DOCK5: variants seen among roughly 807,000 people sequenced by gnomAD.
The protein encoded by DOCK5 is dedicator of cytokinesis protein 5.
DOCK5 carries 142 observed loss-of-function variants against 251.8 expected under a neutral mutation model. The ratio of observed to expected loss-of-function variants is 0.56; its 90% CI spans 0.49 to 0.65. The LOEUF is 0.65. Ranked by LOEUF, DOCK5 falls within the 30% of genes least tolerant of loss-of-function variation. The probability of loss-of-function intolerance (pLI) is 0.00; values close to 1 mark genes in which losing one functional copy is unlikely to be tolerated. For synonymous variants in DOCK5, 842 were observed against 835.5 expected, an observed-to-expected ratio of 1.01 and a Z score of -0.13; for missense variants, 2,111 against 2,312.3, an observed-to-expected ratio of 0.91 and a Z score of 1.79.
At chr8:25,386,543 A>T (rs140493027) in intron 40 of DOCK5, among the ~76,000 whole-genome samples, 220 of 152,324 alleles carry the variant, frequency 1.4e-3, no homozygotes, top group African/African-American at 4.8e-3. Flanking sequence ...AGTGACAGTG[A>T]GCTGTGATCA....
chr8:25,299,452 A>G (rs1399301192), intron 8 of DOCK5: 3 of 186,336 alleles, frequency 1.6e-5, no homozygotes, highest in African/African-American at 2.3e-5. Context: ...ATGATGCTAT[A>G]GTGGTGGATG....
At chr8:25,368,016 G>A (rs1045283620) in intron 31 of DOCK5, among the ~76,000 whole-genome samples, 176 bp from the exon 32 acceptor site, 1 of 152,106 alleles carries the variant, frequency 6.6e-6, no homozygotes, top group African/African-American at 2.4e-5. Context: ...AGGTCCCCCG[G>A]CCTCTGTGCG....
intron 1 of DOCK5, among the ~76,000 whole-genome samples, chr8:25,188,242 G>C (rs1029602877): frequency 4.6e-5 from 7 of 152,222 alleles, no homozygotes; most frequent in Non-Finnish European, 8.8e-5. Flanking sequence ...CTGCAAGTAA[G>C]AGAATGAGAT....
chr8:25,299,670 A>G (rs1323849942), intron 8 of DOCK5, among the ~76,000 whole-genome samples: 1 of 152,156 alleles, frequency 6.6e-6, no homozygotes, highest in African/African-American at 2.4e-5. Context: ...TTTCAGCTCA[A>G]CTTTGCTGCA....
intron 37 of DOCK5, chr8:25,375,837 C>T (rs1800953436): frequency 1.0e-6 from 1 of 981,978 alleles, no homozygotes; most frequent in Non-Finnish European, 1.2e-6. Flanking sequence ...GTGGCTCACG[C>T]CTGTAATCCC....
At chr8:25,256,196 T>C (rs994968286) in intron 2 of DOCK5, among the ~76,000 whole-genome samples, 8 of 152,176 alleles carry the variant, frequency 5.3e-5, no homozygotes, top group Non-Finnish European at 8.8e-5. Flanking sequence ...ATATTAGATA[T>C]GTGTGTGTGT....
intron 1 of DOCK5, among the ~76,000 whole-genome samples, chr8:25,213,297 C>T (rs929379922): frequency 6.6e-6 from 1 of 151,444 alleles, no homozygotes; most frequent in African/African-American, 2.4e-5. Flanking sequence ...CCAAAGCTCT[C>T]CCCACACCCA....
At chr8:25,327,677 C>T (rs369684197) in intron 18 of DOCK5, among the ~76,000 whole-genome samples, 8 of 152,014 alleles carry the variant, frequency 5.3e-5, no homozygotes, top group Admixed American at 2.6e-4. Flanking sequence ...TGTACTGTCC[C>T]GATATGGTAG....
intron 16 of DOCK5, among the ~76,000 whole-genome samples, chr8:25,322,492 A>G (rs1430355197): frequency 6.6e-6 from 1 of 152,196 alleles, no homozygotes; most frequent in African/African-American, 2.4e-5. Context: ...TATCAGGTTG[A>G]ATCGTGTGAA....
chr8:25,398,877 T>C (rs972485600), intron 45 of DOCK5, among the ~76,000 whole-genome samples: 1 of 151,654 alleles, frequency 6.6e-6, no homozygotes, highest in Non-Finnish European at 1.5e-5. Context: ...GCATAGGAAT[T>C]TGGGGGACAT....
At chr8:25,355,988 C>T (rs1800560538) in intron 27 of DOCK5, among the ~76,000 whole-genome samples, 1 of 146,252 alleles carries the variant, frequency 6.8e-6, no homozygotes, top group South Asian at 2.2e-4. Context: ...GTCAGGAGAT[C>T]GAGACCATCC....
At chr8:25,197,154 C>A (rs1418260011) in intron 1 of DOCK5, among the ~76,000 whole-genome samples, 1 of 152,150 alleles carries the variant, frequency 6.6e-6, no homozygotes, top group Non-Finnish European at 1.5e-5. Context: ...CTTTGGGAGT[C>A]CTTTGACTGA....
chr8:25,334,175 T>A lies in DOCK5; in HGVS notation c.2171T>A (p.Phe724Tyr). The change falls in exon 21 of 52, where the codon TTC (phenylalanine) becomes TAC (tyrosine). Residue 724 changes from phenylalanine (F) to tyrosine (Y), a missense_variant. Coordinates refer to ENST00000276440, the MANE Select transcript of DOCK5 (RefSeq NM_024940.8). ...PVLETYIYKH[F>Y]SATLAYVKLS... ...CTTGAAACCTACATTTACAAGCACT[T>A]CAGCGCCACTTTGGCATATGTGTAA... 6.2e-7 allele frequency: 1 copy of A among 1,613,776 alleles called. No individual in the cohort carries two copies. The highest frequency in any genetic ancestry group is 8.5e-7 in the Non-Finnish European group (1 of 1,179,660).
intron 13 of DOCK5, among the ~76,000 whole-genome samples, chr8:25,311,811 A>T (rs533197526): frequency 6.6e-6 from 1 of 151,462 alleles, no homozygotes; most frequent in African/African-American, 2.4e-5. Flanking sequence ...AGTCCCAGCT[A>T]CTCAGGAGGC....
chr8:25,342,691 G>GTTTTTTTTTTTTT (rs1201632677), intron 25 of DOCK5, among the ~76,000 whole-genome samples, 184 bp downstream of exon 25: 32 of 72,072 alleles, frequency 4.4e-4, no homozygotes, highest in African/African-American at 7.4e-4. Flanking sequence ...GTTTTTTCTT[G>GTTTTTTTTTTTTT]TTTTTTTTTT....
chr8:25,264,129 T>TA (rs1194238388), intron 2 of DOCK5, among the ~76,000 whole-genome samples: 1 of 151,594 alleles, frequency 6.6e-6, no homozygotes, highest in Non-Finnish European at 1.5e-5. Flanking sequence ...TTGGGAGGTC[T>TA]AGGCAGGCGA....
intron 3 of DOCK5, among the ~76,000 whole-genome samples, chr8:25,274,516 C>G (rs1391915607): frequency 6.6e-6 from 1 of 152,182 alleles, no homozygotes; most frequent in Non-Finnish European, 1.5e-5. Context: ...GTCCTCTGTT[C>G]TCTGATTTCT....
chr8:25,321,001 G>A lies in DOCK5; in HGVS notation c.1564G>A (p.Val522Ile), dbSNP rs1399208074. The A allele has an allele frequency of 6.2e-7, 1 of 1,613,500 alleles. No individual in the cohort carries two copies. Among genetic ancestry groups the A allele is most frequent in the Admixed American group, 1.7e-5 (1 of 59,984 alleles). The change falls in exon 16 of 52, where the codon GTC (valine) becomes ATC (isoleucine). Residue 522 changes from valine (V) to isoleucine (I), a missense_variant. Transcript: ENST00000276440. ...ACAGGTATCCATTGCTATAGAAGAA[G>A]TCACACGCTGTCATATAAGATTTAC... ...TVKVSIAIEE[V>I]TRCHIRFTFR...
chr8:25,303,690 G>A (rs1430929041), intron 10 of DOCK5, among the ~76,000 whole-genome samples: 3 of 152,136 alleles, frequency 2.0e-5, no homozygotes, highest in Admixed American at 6.5e-5. Context: ...GGCGGGGCAC[G>A]ATGGCTCATC....
Sources: gnomAD v4.1 joint callset for allele counts (sites outside exome capture counted in the v4.1 genomes callset) on GRCh38, gnomAD v4.1.1 for gene constraint, MANE v1.5 for transcripts, NCBI Gene and HGNC (gene_info 2026-07-23, HGNC 2026-07-21) for gene names.